The following CNTN3 variants were observed in gnomAD, a reference collection of about 807,000 sequenced individuals.
CNTN3 encodes contactin 3.
Under a neutral mutation model 119.1 loss-of-function variants are expected in CNTN3, and 60 were observed. The observed-to-expected ratio is 0.50, with a 90% CI of 0.41 to 0.62. The LOEUF (loss-of-function observed/expected upper bound fraction) is 0.62. CNTN3 is among the 20% of genes least tolerant of loss of function. The pLI is 0.00. For synonymous variants in CNTN3, 450 were observed against 438.7 expected (o/e 1.03, Z -0.32); for missense variants, 1,101 against 1,242.4 (o/e 0.89, Z 1.71).
intron 11 of CNTN3, among the ~76,000 whole-genome samples, chr3:74,353,044 G>T (rs182527696): frequency 8.3e-4 from 126 of 152,308 alleles, no homozygotes; most frequent in African/African-American, 2.3e-3. Flanking sequence ...AAGAAAAGTG[G>T]ACTCCACTGT....
intron 1 of CNTN3, among the ~76,000 whole-genome samples, chr3:74,592,494 C>T (rs6794295): frequency 3.2e-4 from 40 of 124,182 alleles, no homozygotes; most frequent in African/African-American, 1.9e-3. Context: ...CACACACACA[C>T]ATACACACAG....
chr3:74,516,543 T>G lies in CNTN3; in HGVS notation c.55+4515A>C, dbSNP rs1003290309. ...ACATACCAAATATGTGTTAATTGAC[T>G]ATTTTATTGGTAAGACTTCTGGTCA... On this transcript the variant is annotated intron_variant, in intron 2 of 22. Coordinates refer to ENST00000263665, the MANE Select transcript of CNTN3 (RefSeq NM_020872.3). Among the ~76,000 whole-genome samples the G allele has an allele frequency of 2.7e-5, 4 of 150,906 alleles. 1 individual carries two copies. The highest frequency in any genetic ancestry group is 5.9e-5 in the Non-Finnish European group (4 of 67,978).
intron 4 of CNTN3, among the ~76,000 whole-genome samples, chr3:74,465,813 T>A (rs927643399): frequency 1.3e-5 from 2 of 152,080 alleles, no homozygotes; most frequent in African/African-American, 2.4e-5. Context: ...GGGATTTGTG[T>A]CTGAACCCTG....
chr3:74,614,542 G>A lies in CNTN3; in HGVS notation c.-232C>T, dbSNP rs1470076018. On this transcript the variant is annotated 5_prime_UTR_variant, in exon 1 of 23. Coordinates refer to ENST00000263665, the MANE Select transcript of CNTN3 (RefSeq NM_020872.3). ...GTAAGCCGCCGCCGCCGCAGGCGCA[G>A]CACCCTCGTCCGCACGGTTCCCGGC... is the stretch of plus-strand genomic sequence containing the variant. Among the ~76,000 whole-genome samples the A allele has an allele frequency of 2.7e-5, 4 of 147,476 alleles. No individual in the cohort carries two copies. The highest frequency in any genetic ancestry group is 3.9e-4 in the East Asian group (2 of 5,070).
Position 74,285,323 on chromosome 3 carries a change from C to T in CNTN3, c.2686G>A (p.Val896Ile). The T allele has an allele frequency of 2.5e-6, 4 of 1,607,796 alleles. No homozygotes were observed. Among genetic ancestry groups the T allele is most frequent in the Non-Finnish European group, 3.4e-6 (4 of 1,178,134 alleles). ...GAGPFSATVN[V>I]TTKKTPPSQP... is the part of the protein sequence containing the mutation. ...TACTTACGCGTTTTCTTGGTGGTTA[C>T]ATTAACTGTGGCGCTAAAAGGCCCA... Residue 896 changes from valine (V) to isoleucine (I), a missense_variant, in exon 20 of 23, where the codon GTA becomes ATA. Val to Ile is a conservative substitution (Grantham distance 29). Coordinates refer to ENST00000263665, the MANE Select transcript of CNTN3 (RefSeq NM_020872.3).
intron 13 of CNTN3, among the ~76,000 whole-genome samples, chr3:74,309,108 TA>T (rs1702625411): frequency 6.6e-6 from 1 of 151,986 alleles, no homozygotes; most frequent in African/African-American, 2.4e-5. Context: ...ATTTATTATT[TA>T]TTTATTTATT....
intron 2 of CNTN3, among the ~76,000 whole-genome samples, chr3:74,513,385 T>C (rs1703401563): frequency 6.6e-6 from 1 of 152,058 alleles, no homozygotes; most frequent in African/African-American, 2.4e-5. Flanking sequence ...GCTTATAAGA[T>C]TGGAGGAGCA....
At chr3:74,444,835 T>C (rs1702023392) in intron 4 of CNTN3, among the ~76,000 whole-genome samples, 1 of 152,158 alleles carries the variant, frequency 6.6e-6, no homozygotes, top group Non-Finnish European at 1.5e-5. Flanking sequence ...TTATCAACCA[T>C]AAAAATATTA....
Position 74,441,138 on chromosome 3 carries a change from G to A in CNTN3, c.359-16198C>T, listed in dbSNP as rs147011446. 1.4e-3 allele frequency among the ~76,000 whole-genome samples: 210 copies of A among 152,154 alleles called. 1 individual carries two copies. The highest frequency in any genetic ancestry group is 4.9e-3 in the African/African-American group (203 of 41,522). On this transcript the variant is annotated intron_variant, in intron 4 of 22. Coordinates refer to ENST00000263665, the MANE Select transcript of CNTN3 (RefSeq NM_020872.3). ...AATAATTAAAATTATATGTTTTAAT[G>A]TGACTCTTGATAGTTTTCATGACAT...
At chr3:74,592,765 T>A (rs376293481) in intron 1 of CNTN3, among the ~76,000 whole-genome samples, 311 of 152,112 alleles carry the variant, frequency 2.0e-3, no homozygotes, top group Middle Eastern at 3.4e-3. Context: ...AATAAACTGA[T>A]TTTTTAAAAA....
intron 4 of CNTN3, among the ~76,000 whole-genome samples, chr3:74,462,577 G>A (rs2106977910): frequency 6.6e-6 from 1 of 152,180 alleles, no homozygotes; most frequent in South Asian, 2.1e-4. Flanking sequence ...CCCACTGATG[G>A]ATGCCAACCA....
At chr3:74,511,662 C>T (rs1199067361) in intron 2 of CNTN3, among the ~76,000 whole-genome samples, 1 of 151,934 alleles carries the variant, frequency 6.6e-6, no homozygotes, top group Non-Finnish European at 1.5e-5. Flanking sequence ...AAGTGAGACC[C>T]CTGTCTCTAA....
chr3:74,554,357 C>T (rs1360085833), intron 1 of CNTN3, among the ~76,000 whole-genome samples: 1 of 152,128 alleles, frequency 6.6e-6, no homozygotes, highest in Non-Finnish European at 1.5e-5. Flanking sequence ...AGTGTGATGC[C>T]TCCAGCTTTG....
At chr3:74,609,620 C>T (rs975437445) in intron 1 of CNTN3, among the ~76,000 whole-genome samples, 10 of 152,114 alleles carry the variant, frequency 6.6e-5, no homozygotes, top group African/African-American at 2.2e-4. Flanking sequence ...AAGAGATGTA[C>T]GAGATCACGG....
chr3:74,464,171 A>G (rs1420672013), intron 4 of CNTN3, among the ~76,000 whole-genome samples: 3 of 152,188 alleles, frequency 2.0e-5, no homozygotes, highest in Non-Finnish European at 4.4e-5. Flanking sequence ...TTATAAGGAT[A>G]CAATGAGATA....
chr3:74,279,990 T>G (rs1320360429), intron 20 of CNTN3, among the ~76,000 whole-genome samples: 1 of 152,072 alleles, frequency 6.6e-6, no homozygotes. Flanking sequence ...TAACTGTACA[T>G]TTTTATATAA....
intron 13 of CNTN3, among the ~76,000 whole-genome samples, chr3:74,313,506 A>C (rs1204858947): frequency 6.6e-6 from 1 of 152,204 alleles, no homozygotes; most frequent in Non-Finnish European, 1.5e-5. Context: ...AGAGGTGTGG[A>C]AGCCATAGAC....
chr3:74,372,587 GT>G (rs1223409385), intron 5 of CNTN3, among the ~76,000 whole-genome samples: 2 of 147,762 alleles, frequency 1.4e-5, no homozygotes, highest in African/African-American at 5.0e-5. Context: ...TCCCAATAGA[GT>G]TTAAAAAAAA....
chr3:74,366,911 A>T (rs945609380), intron 8 of CNTN3, among the ~76,000 whole-genome samples: 6 of 147,704 alleles, frequency 4.1e-5, no homozygotes, highest in Admixed American at 3.4e-4. Context: ...ATGGAACATG[A>T]CTGTGAATAG....
Sources: allele counts gnomAD v4.1 joint callset (sites outside exome capture counted in the v4.1 genomes callset), GRCh38; gene constraint gnomAD v4.1.1; transcripts MANE v1.5; gene names NCBI Gene and HGNC (gene_info 2026-07-23, HGNC 2026-07-21).